PAPPA: variants seen among roughly 807,000 people sequenced by gnomAD.
The protein encoded by PAPPA is pappalysin-1.
Under a neutral mutation model 164.0 loss-of-function variants are expected in PAPPA, and 60 were observed. The ratio of observed to expected loss-of-function variants is 0.37; its 90% CI spans 0.30 to 0.45. PAPPA has a LOEUF of 0.45. PAPPA is among the 20% of genes least tolerant of loss of function. PAPPA has a pLI of 1.00. For missense variants in PAPPA, 1,782 were observed against 2,087.3 expected (o/e 0.85, Z 2.85); for synonymous variants, 875 against 814.1 (o/e 1.07, Z -1.27).
intron 7 of PAPPA, among the ~76,000 whole-genome samples, chr9:116,260,274 C>A (rs898778043): frequency 1.3e-5 from 2 of 152,108 alleles, no homozygotes; most frequent in Non-Finnish European, 2.9e-5. Flanking sequence ...TTTGACAAAG[C>A]TGTATAGTAA....
intron 9 of PAPPA, among the ~76,000 whole-genome samples, chr9:116,278,291 GGCGT>G (rs1845225681): frequency 1.3e-5 from 2 of 152,316 alleles, no homozygotes; most frequent in Admixed American, 1.3e-4. Context: ...AGAAAATTGA[GGCGT>G]TGAGAGGTTA....
chr9:116,359,975 A>T (rs1437991419), intron 17 of PAPPA, among the ~76,000 whole-genome samples: 1 of 152,258 alleles, frequency 6.6e-6, no homozygotes, highest in Admixed American at 6.5e-5. Context: ...GGAGAGAGAT[A>T]AACCAATGAT....
intron 1 of PAPPA, among the ~76,000 whole-genome samples, chr9:116,159,457 T>C (rs977449823): frequency 6.6e-6 from 1 of 152,128 alleles, no homozygotes; most frequent in Non-Finnish European, 1.5e-5. Flanking sequence ...ACAATTAGAC[T>C]CCTTCAAATA....
chr9:116,374,188 G>GA (rs1564246778), intron 19 of PAPPA, among the ~76,000 whole-genome samples: 75 of 108,352 alleles, frequency 6.9e-4, no homozygotes, highest in South Asian at 1.1e-3. Flanking sequence ...GATGATGGTG[G>GA]TGATGATGAT....
In PAPPA at chr9:116,367,609, G is replaced by A. The variant is rs573891877; in HGVS notation, c.4496-36G>A. Reference sequence around the variant, plus strand: ...GCAGTTTGCAGATGTTGAGGGTCTCGGGCCTGAGCTGCGCCTCATGCTGTA... The same window carrying A: ...GCAGTTTGCAGATGTTGAGGGTCTCAGGCCTGAGCTGCGCCTCATGCTGTA... On this transcript the variant is annotated intron_variant, in intron 18 of 21. Transcript: ENST00000328252. The A allele has an allele frequency of 6.4e-5, 96 of 1,506,752 alleles. No individual in the cohort carries two copies. In the South Asian group the frequency reaches 7.4e-4, roughly 12 times the overall value. The allele number at this position is 1,506,752 out of a possible 1,614,324, so 93.3% of individuals were successfully genotyped here.
intron 4 of PAPPA, among the ~76,000 whole-genome samples, chr9:116,218,480 G>A (rs1286294135): frequency 6.6e-6 from 1 of 152,138 alleles, no homozygotes. Flanking sequence ...TGGTGTTTTT[G>A]GAAATTAAGC....
Position 116,154,342 on chromosome 9 carries a change from C to T in PAPPA, c.170C>T (p.Ala57Val), listed in dbSNP as rs1843572851. 3.6e-6 allele frequency: 3 copies of T among 835,818 alleles called. No individual in the cohort carries two copies. The highest frequency in any genetic ancestry group is 2.9e-6 in the Non-Finnish European group (2 of 697,862). 51.8% of individuals were successfully genotyped at this position (835,818 alleles called of 1,614,324 possible). A position where few individuals can be genotyped will look rare whatever the true frequency, so the allele number is the denominator to read the frequency against. ...CATRAARGRRASPPPPPPPGG... is the reference protein window; with the variant it reads ...CATRAARGRRVSPPPPPPPGG... ...ACCCGGGCGGCCCGCGGCCGCCGCGCCTCGCCGCCGCCGCCGCCGCCGCCG... is the reference window on the plus strand; with the variant it reads ...ACCCGGGCGGCCCGCGGCCGCCGCGTCTCGCCGCCGCCGCCGCCGCCGCCG... The change falls in exon 1 of 22, where the codon GCC becomes GTC. Residue 57 changes from alanine to valine, a missense_variant. Around this residue, in one of 2 missense-constraint regions of PAPPA, gnomAD observed 458 missense variants for 430.3 expected, o/e 1.06. Transcript: ENST00000328252. The surrounding 1 kb of genome is among the most constrained non-coding windows in gnomAD (Gnocchi z 5.2).
intron 5 of PAPPA, among the ~76,000 whole-genome samples, chr9:116,221,810 C>G (rs372870248): frequency 6.6e-6 from 1 of 152,126 alleles, no homozygotes; most frequent in African/African-American, 2.4e-5. Flanking sequence ...ACATATTAGG[C>G]AAAGGACCTA....
intron 21 of PAPPA, among the ~76,000 whole-genome samples, chr9:116,395,118 T>TTTTA (rs558220797): frequency 9.9e-4 from 151 of 152,310 alleles, no homozygotes; most frequent in African/African-American, 3.5e-3. Flanking sequence ...AGGTCTACAC[T>TTTTA]TTTATTTTTC....
At position 116,154,946 on chromosome 9, in the gene PAPPA, A is replaced by G. The variant is rs1449483679; in HGVS notation, c.415+359A>G. ...TTGGGATGAAAGGGAGGATGACCCAATTGAGATGCATGTGAAAGGAGACTT... is the reference window on the plus strand; with the variant it reads ...TTGGGATGAAAGGGAGGATGACCCAGTTGAGATGCATGTGAAAGGAGACTT... On this transcript the variant is annotated intron_variant, in intron 1 of 21. Transcript: ENST00000328252. The surrounding 1 kb of genome is among the most constrained non-coding windows in gnomAD (Gnocchi z 5.2). Among the ~76,000 whole-genome samples the G allele has an allele frequency of 6.6e-6, 1 of 152,206 alleles. No homozygotes were observed. Among genetic ancestry groups the G allele is most frequent in the African/African-American group, 2.4e-5 (1 of 41,470 alleles).
chr9:116,286,506 A>C (rs1187610734), intron 9 of PAPPA: 1 of 152,152 alleles, frequency 6.6e-6, no homozygotes, highest in Non-Finnish European at 1.5e-5. Flanking sequence ...TGTTAAGGAA[A>C]TTGATGGCTT....
At chr9:116,255,992 G>A (rs1844922821) in intron 7 of PAPPA, among the ~76,000 whole-genome samples, 1 of 150,642 alleles carries the variant, frequency 6.6e-6, no homozygotes, top group African/African-American at 2.4e-5. Context: ...GAAAATGCCT[G>A]AGCTGAAAAA....
chr9:116,375,986 G>C (rs576925600), intron 19 of PAPPA, among the ~76,000 whole-genome samples: 15 of 151,282 alleles, frequency 9.9e-5, no homozygotes, highest in Admixed American at 9.2e-4. Context: ...TGAAAACTGG[G>C]GCATCCATGG....
chr9:116,305,176 C>T (rs79703810), intron 10 of PAPPA, among the ~76,000 whole-genome samples: 20 of 149,368 alleles, frequency 1.3e-4, no homozygotes, highest in Admixed American at 3.3e-4. Context: ...CACACACACA[C>T]GGAGTCTGCA....
chr9:116,298,072 G>T (rs183276578), intron 9 of PAPPA, among the ~76,000 whole-genome samples: 1 of 152,196 alleles, frequency 6.6e-6, no homozygotes, highest in Admixed American at 6.5e-5. Flanking sequence ...TCTAACCTGA[G>T]CCTTTGCTTC....
At position 116,188,121 on chromosome 9, in the gene PAPPA, C is replaced by T. The variant is rs772598327; in HGVS notation, c.1383C>T (p.Cys461=). The change falls in exon 2 of 22, where the codon TGC becomes TGT. Residue 461 remains cysteine (C), a synonymous_variant. Coordinates refer to ENST00000328252, the MANE Select transcript of PAPPA (RefSeq NM_002581.5). ...KQHNGVCDMD[C]NYERFNFDGG... Reference sequence around the variant, plus strand: ...ACAACGGGGTGTGTGACATGGACTGCAACTATGAACGGTTCAACTTTGATG... The same window carrying T: ...ACAACGGGGTGTGTGACATGGACTGTAACTATGAACGGTTCAACTTTGATG... 21 of 1,614,190 alleles carry T rather than the reference C, an allele frequency of 1.3e-5. No individual in the cohort carries two copies. The highest frequency in any genetic ancestry group is 8.5e-6 in the Non-Finnish European group (10 of 1,179,994).
intron 10 of PAPPA, among the ~76,000 whole-genome samples, chr9:116,326,504 A>G (rs1305745797): frequency 6.6e-6 from 1 of 152,198 alleles, no homozygotes; most frequent in African/African-American, 2.4e-5. Flanking sequence ...CAAAGAGTCA[A>G]ATACATTCAG....
rs755276595 is a variant in PAPPA at position 116,187,884 on chromosome 9, G to A, written c.1146G>A (p.Leu382=). ...REQVDFQHHQ[L]AEAFKQYNIS... Reference sequence around the variant, plus strand: ...AGGTGGACTTCCAGCACCATCAGCTGGCTGAGGCCTTCAAGCAATACAACA... The same window carrying A: ...AGGTGGACTTCCAGCACCATCAGCTAGCTGAGGCCTTCAAGCAATACAACA... Residue 382 remains leucine (L), a synonymous_variant, in exon 2 of 22, where the codon CTG becomes CTA. Coordinates refer to ENST00000328252, the MANE Select transcript of PAPPA (RefSeq NM_002581.5). This position sits in a 1 kb window ranked among gnomAD's most constrained non-coding sequence, Gnocchi z 4.2. 1.9e-6 allele frequency: 3 copies of A among 1,614,054 alleles called. No homozygotes were observed. In the Admixed American group the frequency reaches 5.0e-5, roughly 27 times the overall value.
chr9:116,346,938 T>C, intron 14 of PAPPA, 88 bp from the exon 15 acceptor site: 3 of 1,129,812 alleles, frequency 2.7e-6, no homozygotes, highest in Non-Finnish European at 3.8e-6. Context: ...TGGGCGAGAC[T>C]CTGAGCCGTC....
Sources: gnomAD v4.1 joint callset for allele counts (sites outside exome capture counted in the v4.1 genomes callset) on GRCh38, gnomAD v4.1.1 for gene constraint, gnomAD v4.1.1 regional missense constraint, Gnocchi (gnomAD v3.1) non-coding constraint, MANE v1.5 for transcripts, NCBI Gene and HGNC (gene_info 2026-07-23, HGNC 2026-07-21) for gene names.